Variants in MYH10 observed in about 807,000 individuals in gnomAD.
MYH10 encodes myosin heavy chain 10, also known as myosin-10.
A neutral mutation model predicts 257.8 loss-of-function variants in MYH10; 55 were observed. The observed-to-expected ratio is 0.21, with a 90% CI of 0.17 to 0.27. The LOEUF (loss-of-function observed/expected upper bound fraction) is 0.27. MYH10 is among the 10% of genes least tolerant of loss of function. MYH10 has a pLI of 1.00. For missense variants in MYH10, 1,631 were observed against 2,500.6 expected, an observed-to-expected ratio of 0.65 and a Z score of 7.42; for synonymous variants, 854 against 921.7, an observed-to-expected ratio of 0.93 and a Z score of 1.33.
At chr17:8,557,866 A>G (rs1486357528) in intron 7 of MYH10, among the ~76,000 whole-genome samples, 2 of 152,236 alleles carry the variant, frequency 1.3e-5, no homozygotes, top group Non-Finnish European at 2.9e-5. Context: ...ATATGAATTT[A>G]GGATTTCTTT....
chr17:8,489,745 A>ACACACACACACACACACACACC (rs1258993754), intron 35 of MYH10, among the ~76,000 whole-genome samples: 43 of 150,790 alleles, frequency 2.9e-4, no homozygotes, highest in South Asian at 1.3e-3. Context: ...ACACACACAC[A>ACACACACACACACACACACACC]CCCCAAATCC....
chr17:8,589,200 A>G (rs2084027613), intron 3 of MYH10, 92 bp from the exon 4 acceptor site: 16 of 1,315,486 alleles, frequency 1.2e-5, no homozygotes, highest in Non-Finnish European at 1.5e-5. Context: ...GTAATAGCCT[A>G]TAAAATATTA....
At chr17:8,606,004 CTTATG>C (rs1207336773) in intron 2 of MYH10, among the ~76,000 whole-genome samples, 4 of 151,572 alleles carry the variant, frequency 2.6e-5, no homozygotes, top group African/African-American at 9.7e-5. Context: ...AATGTATTTA[CTTATG>C]TTAACTTGTC....
Position 8,477,168 on chromosome 17 carries a change from C to A in MYH10, c.5707-120G>T. 9.5e-7 allele frequency: 1 copy of A among 1,055,568 alleles called. No individual in the cohort carries two copies. The highest frequency in any genetic ancestry group is 1.4e-6 in the Non-Finnish European group (1 of 737,352). The allele number at this position is 1,055,568 out of a possible 1,614,324, so 65.4% of individuals were successfully genotyped here. A position where few individuals can be genotyped will look rare whatever the true frequency, so the allele number is the denominator to read the frequency against. On this transcript the variant is annotated intron_variant, in intron 41 of 42. Coordinates refer to ENST00000360416, the MANE Select transcript of MYH10 (RefSeq NM_001256012.3). The surrounding 1 kb of genome is among the most constrained non-coding windows in gnomAD (Gnocchi z 4.2). Reference sequence around the variant, plus strand: ...TTACCCTTGTGAGCACGCGTGTACACGGATGTACACGCGTGCCTGGGGGCT... The same window carrying A: ...TTACCCTTGTGAGCACGCGTGTACAAGGATGTACACGCGTGCCTGGGGGCT...
intron 36 of MYH10, among the ~76,000 whole-genome samples, chr17:8,486,229 A>G (rs1567777965): frequency 6.6e-6 from 1 of 152,186 alleles, no homozygotes; most frequent in Non-Finnish European, 1.5e-5. Context: ...TTTGGGAGGG[A>G]CCAAAATGCC....
chr17:8,518,883 T>A lies in MYH10; in HGVS notation c.2341A>T (p.Met781Leu), dbSNP rs2081560832. 6.2e-7 allele frequency: 1 copy of A among 1,608,248 alleles called. No homozygotes were observed. The highest frequency in any genetic ancestry group is 8.5e-7 in the Non-Finnish European group (1 of 1,177,432). The change falls in exon 20 of 43, where the codon ATG becomes TTG. Residue 781 changes from methionine (M) to leucine (L), a missense_variant and splice_region_variant. Met to Leu is a conservative substitution (Grantham distance 15). This residue lies in a region of MYH10 where 116 missense variants were observed against 221.6 expected (regional missense o/e 0.52). Transcript: ENST00000360416. ...GAAAAAGATCAAGAAAACCTTACCA[T>A]TCGTTCACAGGCCTGTTTACCATCC... is the stretch of plus-strand genomic sequence containing the variant. ...FMDGKQACERMIRALELDPNL... is the reference protein window; with the variant it reads ...FMDGKQACERLIRALELDPNL...
At chr17:8,627,552 A>C (rs2085730771) in intron 1 of MYH10, among the ~76,000 whole-genome samples, 1 of 152,138 alleles carries the variant, frequency 6.6e-6, no homozygotes, top group African/African-American at 2.4e-5. Flanking sequence ...TTAAGTGTTC[A>C]TATTATTGTT....
rs1350829841 is a variant in MYH10, at chr17:8,567,721, A to G, written c.756+1999T>C. On this transcript the variant is annotated intron_variant, in intron 7 of 42. Transcript: ENST00000360416. Reference sequence around the variant, plus strand: ...TCTATAAGCCAAAGAAAGAGTGCACAGTGAATCAGCAAGAGAACTAACATA... The same window carrying G: ...TCTATAAGCCAAAGAAAGAGTGCACGGTGAATCAGCAAGAGAACTAACATA... 3.3e-5 allele frequency among the ~76,000 whole-genome samples: 5 copies of G among 152,228 alleles called. No homozygotes were observed. In the East Asian group the frequency reaches 9.6e-4, roughly 29 times the overall value.
At chr17:8,484,653 T>G (rs546735571) in intron 36 of MYH10, among the ~76,000 whole-genome samples, 42 of 152,188 alleles carry the variant, frequency 2.8e-4, no homozygotes, top group Non-Finnish European at 5.0e-4. Context: ...GCAGGATCTA[T>G]CTGAGGAATG....
chr17:8,492,215 G>A (rs1289420143), intron 34 of MYH10, 82 bp downstream of exon 34: 3 of 1,390,166 alleles, frequency 2.2e-6, no homozygotes, highest in Admixed American at 3.8e-5. Context: ...GCTCCCCTGA[G>A]GAGTCGCCCG....
In MYH10 at chr17:8,518,784, G is replaced by T; in HGVS notation, c.2351C>A (p.Ala784Asp). ...GTACAAGTTTGGGTCCAATTCTAAA[G>T]CCCGGATCTAAGAGAGAAAGAGTTT... The part of the protein sequence containing the change: ...GKQACERMIR[A>D]LELDPNLYRI... The change falls in exon 21 of 43, where the codon GCT (alanine) becomes GAT (aspartate). Residue 784 changes from alanine to aspartate, a missense_variant. Physicochemically the swap from Ala to Asp is moderately radical, Grantham distance 126. Around this residue, in one of 11 missense-constraint regions of MYH10, gnomAD observed 116 missense variants for 221.6 expected, o/e 0.52. Transcript: ENST00000360416. The T allele has an allele frequency of 6.2e-7, 1 of 1,611,102 alleles. No homozygotes were observed. The highest frequency in any genetic ancestry group is 8.5e-7 in the Non-Finnish European group (1 of 1,179,256).
In MYH10 at chr17:8,569,824, T is replaced by C; in HGVS notation, c.664-12A>G. 6.3e-7 allele frequency: 1 copy of C among 1,581,726 alleles called. No individual in the cohort carries two copies. ...CGTTCAAGTTCCCCCTAAAAGACAT[T>C]ACACACACACAAATAAAAGCAGATG... is the stretch of plus-strand genomic sequence containing the variant. On this transcript the variant is annotated splice_polypyrimidine_tract_variant and intron_variant, in intron 6 of 42. Transcript: ENST00000360416. The surrounding 1 kb of genome is among the most constrained non-coding windows in gnomAD (Gnocchi z 4.1).
intron 3 of MYH10, among the ~76,000 whole-genome samples, chr17:8,595,525 C>T (rs538583495): frequency 1.9e-4 from 28 of 150,978 alleles, no homozygotes; most frequent in African/African-American, 6.1e-4. Flanking sequence ...CTCCGCCTCC[C>T]GGGTTCAAGC....
rs1368617759 is a variant in MYH10, at chr17:8,512,639, T to C, written c.2764A>G (p.Ile922Val). 2.5e-6 allele frequency: 4 copies of C among 1,612,356 alleles called. No individual in the cohort carries two copies. Among genetic ancestry groups the C allele is most frequent in the Admixed American group, 1.7e-5 (1 of 59,894 alleles). The change falls in exon 24 of 43, where the codon ATC (isoleucine) becomes GTC (valine). Residue 922 changes from isoleucine (I) to valine (V), a missense_variant. Ile to Val is a conservative substitution (Grantham distance 29). Coordinates refer to ENST00000360416, the MANE Select transcript of MYH10 (RefSeq NM_001256012.3). ...KHQQLLEEKN[I>V]LAEQLQAETE... is the part of the protein sequence containing the mutation. ...TCTGCTTGTAGTTGTTCTGCAAGGA[T>C]ATTCTTCTCTTCTAAAAGCTGCAAT...
chr17:8,617,566 G>C (rs2085315335), intron 2 of MYH10, among the ~76,000 whole-genome samples: 2 of 152,136 alleles, frequency 1.3e-5, no homozygotes, highest in African/African-American at 4.8e-5. Context: ...AAAAGCTGAA[G>C]ATATGAGTTA....
rs1329039432 is a variant in MYH10 at position 8,513,882 on chromosome 17, C to T, written c.2517G>A (p.Lys839=). Residue 839 remains lysine (K), a synonymous_variant, in exon 22 of 43, where the codon AAG becomes AAA. Transcript: ENST00000360416. ...RGYLARKAFA[K]KQQQLSALKV... ...TTAAGGCACTTAGTTGCTGCTGCTTCTTGGCAAAGGCCCTGAAGAACAATA... is the reference window on the plus strand; with the variant it reads ...TTAAGGCACTTAGTTGCTGCTGCTTTTTGGCAAAGGCCCTGAAGAACAATA... 6.2e-7 allele frequency: 1 copy of T among 1,614,042 alleles called. No individual in the cohort carries two copies.
At chr17:8,522,650 GACCCT>G in intron 17 of MYH10, among the ~76,000 whole-genome samples, 1 of 152,200 alleles carries the variant, frequency 6.6e-6, no homozygotes, top group East Asian at 1.9e-4. Context: ...ATCTTCCCTT[GACCCT>G]GTATCTGCCC....
chr17:8,497,250 A>G (rs915933201), intron 30 of MYH10, among the ~76,000 whole-genome samples: 24 of 152,206 alleles, frequency 1.6e-4, no homozygotes, highest in African/African-American at 5.3e-4. Context: ...CCTCGGACAC[A>G]AGACAGCTCT....
Position 8,621,346 on chromosome 17 carries a change from C to A in MYH10, c.345+1556G>T, listed in dbSNP as rs1420031246. 2.6e-5 allele frequency among the ~76,000 whole-genome samples: 4 copies of A among 152,090 alleles called. No individual in the cohort carries two copies. The East Asian group carries it at 7.7e-4, about 29-fold the overall frequency. On this transcript the variant is annotated intron_variant, in intron 2 of 42. Transcript: ENST00000360416. The stretch of plus-strand genomic sequence containing the variant: ...CTCAACATTCTGAAAACTTCCAGGC[C>A]TTGATCCATCAGCCCCTCCCACCCA...
Sources: gnomAD v4.1 joint callset for allele counts (sites outside exome capture counted in the v4.1 genomes callset) on GRCh38, gnomAD v4.1.1 for gene constraint, gnomAD v4.1.1 regional missense constraint, Gnocchi (gnomAD v3.1) non-coding constraint, MANE v1.5 for transcripts, NCBI Gene and HGNC (gene_info 2026-07-23, HGNC 2026-07-21) for gene names.